The following EBF1 variants were observed in gnomAD, a reference collection of about 807,000 sequenced individuals.
EBF1 encodes the protein EBF transcription factor 1.
In EBF1, 10 loss-of-function variants were observed where a neutral mutation model predicts 68.4. The observed-to-expected ratio is 0.15, with a 90% CI of 0.09 to 0.25. The LOEUF (loss-of-function observed/expected upper bound fraction) is 0.25, where lower values mean the gene tolerates loss of function less well. Among genes scored for constraint, EBF1 ranks in the 10% least tolerant of loss-of-function variants. EBF1 has a pLI of 1.00. For missense variants in EBF1, 509 were observed against 794.4 expected, an observed-to-expected ratio of 0.64 and a Z score of 4.32; for synonymous variants, 298 against 299.8, an observed-to-expected ratio of 0.99 and a Z score of 0.06.
chr5:158,980,196 C>T (rs556737996), intron 6 of EBF1, among the ~76,000 whole-genome samples: 1 of 152,316 alleles, frequency 6.6e-6, no homozygotes, highest in Admixed American at 6.5e-5. Flanking sequence ...CCTGGGTCAG[C>T]GTCTGACTCA....
chr5:158,950,613 CA>C (rs889460698), intron 6 of EBF1, among the ~76,000 whole-genome samples: 5 of 152,162 alleles, frequency 3.3e-5, no homozygotes, highest in Non-Finnish European at 7.4e-5. Flanking sequence ...TGCAGAAAGC[CA>C]AAGAAGTACT....
intron 10 of EBF1, among the ~76,000 whole-genome samples, chr5:158,775,849 T>TG (rs1485481098): frequency 7.6e-5 from 11 of 145,362 alleles, no homozygotes; most frequent in African/African-American, 2.6e-4. Context: ...GAAGTTCTCA[T>TG]GGGAAAAATG....
At chr5:158,920,228 TATC>T (rs1808117102) in intron 6 of EBF1, among the ~76,000 whole-genome samples, 1 of 152,152 alleles carries the variant, frequency 6.6e-6, no homozygotes, top group African/African-American at 2.4e-5. Context: ...TCCTATCAGG[TATC>T]ATGATTGAGG....
chr5:159,055,321 T>C (rs1280828761), intron 6 of EBF1, among the ~76,000 whole-genome samples: 1 of 152,246 alleles, frequency 6.6e-6, no homozygotes, highest in African/African-American at 2.4e-5. Flanking sequence ...CCTAAGTGTT[T>C]ACTTCTCTCG....
intron 8 of EBF1, among the ~76,000 whole-genome samples, chr5:158,802,429 G>C (rs970561357): frequency 6.6e-6 from 1 of 152,004 alleles, no homozygotes. Flanking sequence ...GGTGATATAA[G>C]GTTCTTTTCC....
chr5:159,068,371 GTGGATGGA>G (rs71851703), intron 6 of EBF1, among the ~76,000 whole-genome samples: 289 of 149,852 alleles, frequency 1.9e-3, no homozygotes, highest in African/African-American at 4.6e-3. Flanking sequence ...ATGTGGGTGG[GTGGATGGA>G]TGGATGGATG....
chr5:158,811,851 A>G (rs1158841755), intron 8 of EBF1, among the ~76,000 whole-genome samples: 1 of 152,080 alleles, frequency 6.6e-6, no homozygotes, highest in African/African-American at 2.4e-5. Flanking sequence ...TGCCCTCCCT[A>G]CAGCTTCTAA....
In EBF1 at chr5:158,840,645, G is replaced by GTTTTTT. The variant is rs534374216; in HGVS notation, c.555-541_555-536dup. Among the ~76,000 whole-genome samples the GTTTTTT allele has an allele frequency of 2.6e-3, 169 of 64,828 alleles. 25 individuals are homozygous for GTTTTTT. The highest frequency in any genetic ancestry group is 5.9e-3 in the Admixed American group (23 of 3,926). The allele number at this position is 64,828 out of a possible 152,430, so 42.5% of individuals were successfully genotyped here. On this transcript the variant is annotated intron_variant, in intron 6 of 15. Transcript: ENST00000313708. ...TCCTTTGACTTCTCAAATACCTCCT[G>GTTTTTT]TTTTTTTTTTTTTTTTTTTTTTTTT...
intron 10 of EBF1, among the ~76,000 whole-genome samples, chr5:158,738,664 A>G (rs1819560004): frequency 6.6e-6 from 1 of 152,204 alleles, no homozygotes; most frequent in Non-Finnish European, 1.5e-5. Flanking sequence ...ATTACTCCTA[A>G]TTCAAAGGTG....
rs983245213 is a variant in EBF1, at chr5:158,838,868, A to G, written c.636+1161T>C. Among the ~76,000 whole-genome samples, 20 of 141,214 alleles carry G rather than the reference A, an allele frequency of 1.4e-4. No individual in the cohort carries two copies. In the South Asian group the frequency reaches 1.6e-3, roughly 11 times the overall value. 92.6% of individuals were successfully genotyped at this position (141,214 alleles called of 152,430 possible). On this transcript the variant is annotated intron_variant, in intron 7 of 15. Transcript: ENST00000313708. ...GGATCGTTGCTCTGACAGGGAAACT[A>G]ACATTGACCATACAAATAACTTAGC...
intron 6 of EBF1, among the ~76,000 whole-genome samples, chr5:158,853,408 A>T (rs569495479): frequency 1.3e-5 from 2 of 152,232 alleles, no homozygotes; most frequent in Non-Finnish European, 2.9e-5. Flanking sequence ...AAAAAAAGAG[A>T]TGGAATTTCC....
At chr5:158,946,030 A>G (rs1459273963) in intron 6 of EBF1, among the ~76,000 whole-genome samples, 1 of 152,114 alleles carries the variant, frequency 6.6e-6, no homozygotes, top group Non-Finnish European at 1.5e-5. Context: ...TTTCAGCTCC[A>G]TCAGGTCATT....
At chr5:159,066,630 GACACACAC>G (rs34606310) in intron 6 of EBF1, among the ~76,000 whole-genome samples, 14 of 148,652 alleles carry the variant, frequency 9.4e-5, no homozygotes, top group African/African-American at 2.7e-4. Context: ...TACATGCACA[GACACACAC>G]ACACACACAC....
At chr5:158,802,084 G>A (rs1300946879) in intron 8 of EBF1, among the ~76,000 whole-genome samples, 4 of 152,090 alleles carry the variant, frequency 2.6e-5, no homozygotes, top group African/African-American at 9.7e-5. Flanking sequence ...AGAGGTGCCT[G>A]CCCATTGAGG....
intron 11 of EBF1, among the ~76,000 whole-genome samples, chr5:158,727,487 C>T (rs1763236068): frequency 6.6e-6 from 1 of 152,166 alleles, no homozygotes; most frequent in Admixed American, 6.5e-5. Context: ...CAACCTTGAC[C>T]TCAAAGTTGG....
Position 158,808,289 on chromosome 5 carries a change from C to T in EBF1, c.779-11814G>A, listed in dbSNP as rs1781972704. On this transcript the variant is annotated intron_variant, in intron 8 of 15. Transcript: ENST00000313708. ...GCTGTTCTGTCTGGACATCAAAGAG[C>T]AAATACTCGCACTTGCCTGTTTGTG... 2.6e-5 allele frequency among the ~76,000 whole-genome samples: 4 copies of T among 152,166 alleles called. No individual in the cohort carries two copies. In the South Asian group the frequency reaches 8.3e-4, roughly 31 times the overall value.
intron 6 of EBF1, among the ~76,000 whole-genome samples, chr5:158,842,993 C>T (rs557833054): frequency 3.9e-5 from 6 of 152,230 alleles, no homozygotes; most frequent in South Asian, 4.2e-4. Context: ...ACTAATTGTA[C>T]TATTGATAGC....
intron 6 of EBF1, among the ~76,000 whole-genome samples, chr5:158,885,294 G>A (rs747361101): frequency 1.3e-5 from 2 of 152,230 alleles, no homozygotes; most frequent in African/African-American, 2.4e-5. Context: ...TTAAAACGGA[G>A]CCACATAAAA....
intron 6 of EBF1, among the ~76,000 whole-genome samples, chr5:158,943,666 G>A (rs1054199686): frequency 6.6e-6 from 1 of 152,110 alleles, no homozygotes; most frequent in African/African-American, 2.4e-5. Flanking sequence ...GTGTGGCAGT[G>A]CCTCTTCTAA....
Sources: allele counts gnomAD v4.1 joint callset (sites outside exome capture counted in the v4.1 genomes callset), GRCh38; gene constraint gnomAD v4.1.1; transcripts MANE v1.5; gene names NCBI Gene and HGNC (gene_info 2026-07-23, HGNC 2026-07-21).